The following MBOAT2 variants were observed in gnomAD, a reference collection of about 807,000 sequenced individuals.
MBOAT2 encodes membrane-bound glycerophospholipid O-acyltransferase 2.
Under a neutral mutation model 63.4 loss-of-function variants are expected in MBOAT2, and 28 were observed. That is an observed-to-expected ratio of 0.44 (90% CI 0.33 to 0.61). The LOEUF (loss-of-function observed/expected upper bound fraction) is 0.61, where lower values mean the gene tolerates loss of function less well. Ranked by LOEUF, MBOAT2 falls within the 20% of genes least tolerant of loss-of-function variation. The pLI, the probability that MBOAT2 is intolerant of heterozygous loss-of-function variation, is 0.03. For missense variants in MBOAT2, 470 were observed against 605.8 expected, an observed-to-expected ratio of 0.78 and a Z score of 2.35; for synonymous variants, 211 against 215.6, an observed-to-expected ratio of 0.98 and a Z score of 0.19.
Position 8,908,692 on chromosome 2 carries a change from T to C in MBOAT2, c.324A>G (p.Gly108=), listed in dbSNP as rs878862733. ...GAGTAACTTGGCACACTGTGAGGTA[T>C]CCCAGAGCAAACACAAAGCAGTAAC... ...MHNYCFVFAL[G]YLTVCQVTRV... Residue 108 remains glycine (G), a synonymous_variant, in exon 4 of 13, where the codon GGA becomes GGG. Coordinates refer to ENST00000305997, the MANE Select transcript of MBOAT2 (RefSeq NM_138799.4). 5.0e-6 allele frequency: 8 copies of C among 1,610,826 alleles called. No individual in the cohort carries two copies. In the South Asian group the frequency reaches 8.8e-5, roughly 18 times the overall value.
At chr2:8,968,314 G>A (rs1257070387) in intron 1 of MBOAT2, among the ~76,000 whole-genome samples, 3 of 152,062 alleles carry the variant, frequency 2.0e-5, no homozygotes, top group Admixed American at 2.0e-4. Flanking sequence ...CTGCAGCTGA[G>A]GGTCCTGACT....
intron 1 of MBOAT2, among the ~76,000 whole-genome samples, chr2:8,963,441 T>C (rs751090042): frequency 3.3e-5 from 5 of 152,006 alleles, no homozygotes; most frequent in African/African-American, 7.3e-5. Flanking sequence ...GCAGCTGGGA[T>C]TACAGGCATG....
chr2:8,998,733 C>G (rs1471854207), intron 1 of MBOAT2, among the ~76,000 whole-genome samples: 2 of 152,080 alleles, frequency 1.3e-5, no homozygotes, highest in Non-Finnish European at 2.9e-5. Context: ...TCTGTGTCAA[C>G]CACAACCCCT....
At chr2:8,931,481 A>G (rs990765553) in intron 3 of MBOAT2, among the ~76,000 whole-genome samples, 1 of 151,952 alleles carries the variant, frequency 6.6e-6, no homozygotes, top group South Asian at 2.1e-4. Flanking sequence ...TAGATTCCGG[A>G]TATTACACCT....
intron 4 of MBOAT2, among the ~76,000 whole-genome samples, chr2:8,896,143 G>A (rs1007320803): frequency 6.6e-6 from 1 of 151,412 alleles, no homozygotes; most frequent in African/African-American, 2.4e-5. Context: ...GGAGGCTGAG[G>A]CAGAAGAATG....
intron 3 of MBOAT2, among the ~76,000 whole-genome samples, chr2:8,930,541 C>T (rs891457847): frequency 5.9e-5 from 9 of 152,142 alleles, no homozygotes; most frequent in East Asian, 1.9e-4. Flanking sequence ...AATAAACATA[C>T]GTGTGCATGT....
intron 4 of MBOAT2, among the ~76,000 whole-genome samples, chr2:8,907,884 A>G (rs530020031): frequency 1.3e-5 from 2 of 152,214 alleles, no homozygotes; most frequent in East Asian, 3.9e-4. Context: ...CTATTGCTGA[A>G]CAATTTTTTT....
chr2:8,915,595 C>T (rs904740925), intron 3 of MBOAT2, among the ~76,000 whole-genome samples: 7 of 152,058 alleles, frequency 4.6e-5, no homozygotes, highest in Non-Finnish European at 1.0e-4. Flanking sequence ...ACTTTTGTTG[C>T]TATCTTGTCT....
intron 3 of MBOAT2, among the ~76,000 whole-genome samples, chr2:8,938,976 C>G (rs1293313435): frequency 2.0e-5 from 3 of 152,202 alleles, no homozygotes; most frequent in Non-Finnish European, 2.9e-5. Context: ...CCCACCAGAG[C>G]TCTTAGCACA....
chr2:8,982,196 G>A (rs1410392848), intron 1 of MBOAT2, among the ~76,000 whole-genome samples: 6 of 152,134 alleles, frequency 3.9e-5, no homozygotes, highest in African/African-American at 7.2e-5. Flanking sequence ...CAGTCAACTC[G>A]TGATTTACCA....
chr2:8,892,478 A>G (rs1664074447), intron 4 of MBOAT2, among the ~76,000 whole-genome samples: 1 of 152,208 alleles, frequency 6.6e-6, no homozygotes, highest in African/African-American at 2.4e-5. Flanking sequence ...AAAAAAAAGT[A>G]TTTAATTAAT....
chr2:8,980,890 A>G (rs1671152434), intron 1 of MBOAT2, among the ~76,000 whole-genome samples: 1 of 152,176 alleles, frequency 6.6e-6, no homozygotes, highest in Non-Finnish European at 1.5e-5. Context: ...ATCTACACAA[A>G]AACTTCTACA....
At chr2:8,943,308 C>A in intron 2 of MBOAT2, 44 bp from the exon 3 acceptor site, 1 of 1,207,012 alleles carries the variant, frequency 8.3e-7, no homozygotes. Context: ...TGCCAAGTCA[C>A]AAACATCAAG....
At chr2:8,939,287 G>T (rs1317002993) in intron 3 of MBOAT2, among the ~76,000 whole-genome samples, 1 of 152,182 alleles carries the variant, frequency 6.6e-6, no homozygotes, top group African/African-American at 2.4e-5. Flanking sequence ...CTGTGCCTGG[G>T]GAACACACTC....
chr2:8,955,248 A>C (rs757367816), intron 2 of MBOAT2, among the ~76,000 whole-genome samples: 23 of 152,194 alleles, frequency 1.5e-4, no homozygotes, highest in Non-Finnish European at 3.2e-4. Context: ...GTCTGGGAGA[A>C]TGTCTGCAGC....
rs191570903 is a variant in MBOAT2, at chr2:8,923,620, A to C, written c.300-14904T>G. On this transcript the variant is annotated intron_variant, in intron 3 of 12. Transcript: ENST00000305997. ...CTACAATACCTGCTGTTCTCAGTGCATTGGTTTTTCTGGGCAGTAGTCAAG... is the reference window on the plus strand; with the variant it reads ...CTACAATACCTGCTGTTCTCAGTGCCTTGGTTTTTCTGGGCAGTAGTCAAG... Among the ~76,000 whole-genome samples, 180 of 152,200 alleles carry C rather than the reference A, an allele frequency of 1.2e-3. 1 individual carries two copies. The highest frequency in any genetic ancestry group is 1.7e-3 in the East Asian group (9 of 5,172).
chr2:8,984,148 C>G (rs1671390068), intron 1 of MBOAT2, among the ~76,000 whole-genome samples: 1 of 152,056 alleles, frequency 6.6e-6, no homozygotes, highest in Non-Finnish European at 1.5e-5. Flanking sequence ...TGAAATTAAA[C>G]CAGTCACAAA....
At chr2:8,917,458 C>T (rs1281831458) in intron 3 of MBOAT2, among the ~76,000 whole-genome samples, 3 of 152,050 alleles carry the variant, frequency 2.0e-5, no homozygotes, top group Non-Finnish European at 4.4e-5. Context: ...AGAAGATACA[C>T]AATTAGTCAA....
At chr2:8,888,235 G>C (rs916623624) in intron 4 of MBOAT2, among the ~76,000 whole-genome samples, 162 bp from the exon 5 acceptor site, 13 of 152,302 alleles carry the variant, frequency 8.5e-5, no homozygotes, top group African/African-American at 3.1e-4. Context: ...CAGAAGTTAT[G>C]TATTTGAGGA....
Sources: allele counts gnomAD v4.1 joint callset (sites outside exome capture counted in the v4.1 genomes callset), GRCh38; gene constraint gnomAD v4.1.1; transcripts MANE v1.5; gene names NCBI Gene and HGNC (gene_info 2026-07-23, HGNC 2026-07-21).